The following PLEKHA7 variants were observed in gnomAD, a reference collection of about 807,000 sequenced individuals.
The protein encoded by PLEKHA7 is pleckstrin homology domain-containing family A member 7.
Under a neutral mutation model 170.0 loss-of-function variants are expected in PLEKHA7, and 104 were observed. The ratio of observed to expected loss-of-function variants is 0.61; its 90% CI spans 0.52 to 0.72. The LOEUF is 0.72. PLEKHA7 is among the 30% of genes least tolerant of loss of function. The pLI is 0.00. For synonymous variants in PLEKHA7, 648 were observed against 660.8 expected, an observed-to-expected ratio of 0.98 and a Z score of 0.30; for missense variants, 1,615 against 1,671.7, an observed-to-expected ratio of 0.97 and a Z score of 0.59.
At chr11:16,960,223 A>G (rs1176511140) in intron 3 of PLEKHA7, among the ~76,000 whole-genome samples, 1 of 152,062 alleles carries the variant, frequency 6.6e-6, no homozygotes, top group East Asian at 1.9e-4. Flanking sequence ...CACCCCCACC[A>G]GCTCCCCTGC....
At chr11:16,838,244 G>C (rs1442572515) in intron 9 of PLEKHA7, among the ~76,000 whole-genome samples, 1 of 152,158 alleles carries the variant, frequency 6.6e-6, no homozygotes, top group Admixed American at 6.5e-5. Flanking sequence ...ATGGTGGCTG[G>C]TGACTGTCAT....
intron 3 of PLEKHA7, among the ~76,000 whole-genome samples, chr11:16,992,583 T>C (rs910077435): frequency 6.6e-5 from 10 of 152,018 alleles, no homozygotes; most frequent in African/African-American, 2.2e-4. Flanking sequence ...TGGTGAAACC[T>C]TGTCTCTACT....
intron 3 of PLEKHA7, among the ~76,000 whole-genome samples, chr11:16,917,218 C>CA (rs1178600760): frequency 3.3e-5 from 5 of 151,870 alleles, no homozygotes; most frequent in Non-Finnish European, 7.4e-5. Flanking sequence ...GACCCTGTCT[C>CA]AAAAAAATAA....
chr11:16,957,726 CAG>C (rs1376926831), intron 3 of PLEKHA7, among the ~76,000 whole-genome samples: 2 of 100,236 alleles, frequency 2.0e-5, no homozygotes, highest in African/African-American at 4.4e-5. Context: ...TTTTTTGAGA[CAG>C]AGTCTCGCCC....
intron 10 of PLEKHA7, among the ~76,000 whole-genome samples, chr11:16,818,905 G>A (rs1849990736): frequency 6.6e-6 from 1 of 151,754 alleles, no homozygotes; most frequent in Non-Finnish European, 1.5e-5. Flanking sequence ...CTGGGTTCAA[G>A]TGATTCTCCT....
chr11:16,821,902 T>C lies in PLEKHA7; in HGVS notation c.1343+4218A>G, dbSNP rs79561881. On this transcript the variant is annotated intron_variant, in intron 10 of 26. Transcript: ENST00000531066. ...ATCTGCTTGCCCTACTGGAATGAAA[T>C]TCCTCTCACTGTGTGCTCAGTGACC... Among the ~76,000 whole-genome samples the C allele has an allele frequency of 7.1e-3, 1,088 of 152,264 alleles. 14 individuals are homozygous for C. The highest frequency in any genetic ancestry group is 0.025 in the African/African-American group (1,037 of 41,542).
At chr11:16,898,405 G>C (rs1445169933) in intron 3 of PLEKHA7, among the ~76,000 whole-genome samples, 3 of 152,178 alleles carry the variant, frequency 2.0e-5, no homozygotes, top group Non-Finnish European at 4.4e-5. Flanking sequence ...GTGTTCAGTG[G>C]CCTTTGGAAA....
chr11:16,789,392 C>G lies in PLEKHA7; in HGVS notation c.3157-96G>C. 8 of 1,185,464 alleles carry G rather than the reference C, an allele frequency of 6.7e-6. 1 individual carries two copies. The highest frequency in any genetic ancestry group is 4.7e-5 in the East Asian group (2 of 42,434). 73.4% of individuals were successfully genotyped at this position (1,185,464 alleles called of 1,614,324 possible). ...CTGGCTGCATTCCCGTTGTCTCTCT[C>G]TCACACACATGCACACTCTAGTTGG... On this transcript the variant is annotated intron_variant, in intron 22 of 26. Coordinates refer to ENST00000531066, the MANE Select transcript of PLEKHA7 (RefSeq NM_001329630.2). The surrounding 1 kb of genome is among the most constrained non-coding windows in gnomAD (Gnocchi z 4.6).
At chr11:16,868,467 C>T (rs1854569875) in intron 4 of PLEKHA7, among the ~76,000 whole-genome samples, 1 of 152,124 alleles carries the variant, frequency 6.6e-6, no homozygotes, top group African/African-American at 2.4e-5. Context: ...CTGTTCACAC[C>T]AATAAGAGCA....
Position 16,791,167 on chromosome 11 carries a change from G to A in PLEKHA7, c.2778C>T (p.Pro926=), listed in dbSNP as rs754081800. The change falls in exon 20 of 27, where the codon CCC becomes CCT. Residue 926 remains proline, a synonymous_variant. Transcript: ENST00000531066. The surrounding 1 kb of genome is among the most constrained non-coding windows in gnomAD (Gnocchi z 4.5). ...EDEAPPRPPL[P]ELYSPEDQPP... ...GCTGGTCCTCTGGGCTGTAGAGTTC[G>A]GGGAGTGGGGGCCTGGGAGGTGCTT... 2.0e-5 allele frequency: 32 copies of A among 1,607,720 alleles called. No homozygotes were observed. Among genetic ancestry groups the A allele is most frequent in the East Asian group, 8.9e-5 (4 of 44,742 alleles).
chr11:16,819,646 A>C (rs1482280652), intron 10 of PLEKHA7, among the ~76,000 whole-genome samples: 1 of 152,218 alleles, frequency 6.6e-6, no homozygotes, highest in African/African-American at 2.4e-5. Flanking sequence ...CAGCATCAGC[A>C]CCACCTGGGG....
At chr11:16,853,394 A>G (rs558242921) in intron 6 of PLEKHA7, among the ~76,000 whole-genome samples, 15 of 152,326 alleles carry the variant, frequency 9.8e-5, no homozygotes, top group African/African-American at 3.6e-4. Flanking sequence ...GCAAATCAAC[A>G]AGATGATTTA....
intron 3 of PLEKHA7, among the ~76,000 whole-genome samples, chr11:16,893,044 G>A (rs1337376222): frequency 6.6e-6 from 1 of 152,148 alleles, no homozygotes; most frequent in Non-Finnish European, 1.5e-5. Context: ...GCTTTCTCTT[G>A]TAGCTCTTAT....
chr11:16,988,426 T>A (rs1053312969), intron 3 of PLEKHA7, among the ~76,000 whole-genome samples: 2 of 152,212 alleles, frequency 1.3e-5, no homozygotes, highest in African/African-American at 4.8e-5. Context: ...CCTTCTTTCC[T>A]TCTTTCCTTC....
chr11:16,806,058 G>C (rs1848962173), intron 13 of PLEKHA7, among the ~76,000 whole-genome samples: 2 of 152,174 alleles, frequency 1.3e-5, no homozygotes, highest in African/African-American at 4.8e-5. Context: ...GGTGACTGTG[G>C]AGATGGATGC....
intron 3 of PLEKHA7, among the ~76,000 whole-genome samples, chr11:16,960,846 G>C (rs996105154): frequency 6.6e-6 from 1 of 152,036 alleles, no homozygotes; most frequent in African/African-American, 2.4e-5. Context: ...AGACAGATGG[G>C]GACACCGAGG....
chr11:16,912,518 AC>A (rs1858326112), intron 3 of PLEKHA7, among the ~76,000 whole-genome samples: 1 of 152,288 alleles, frequency 6.6e-6, no homozygotes, highest in East Asian at 1.9e-4. Flanking sequence ...AGTGCCCAAA[AC>A]CACTGGGTTT....
intron 3 of PLEKHA7, among the ~76,000 whole-genome samples, chr11:16,960,943 C>G (rs1205248681): frequency 1.3e-5 from 2 of 152,090 alleles, no homozygotes; most frequent in Non-Finnish European, 2.9e-5. Context: ...CTGAAACTTC[C>G]AGCTTCGTTT....
intron 3 of PLEKHA7, among the ~76,000 whole-genome samples, chr11:16,944,430 T>G (rs1399081458): frequency 6.6e-6 from 1 of 151,534 alleles, no homozygotes; most frequent in Non-Finnish European, 1.5e-5. Flanking sequence ...GAGAATCACT[T>G]GAACCCAGGA....
Sources: gnomAD v4.1 joint callset for allele counts (sites outside exome capture counted in the v4.1 genomes callset) on GRCh38, gnomAD v4.1.1 for gene constraint, Gnocchi (gnomAD v3.1) non-coding constraint, MANE v1.5 for transcripts, NCBI Gene and HGNC (gene_info 2026-07-23, HGNC 2026-07-21) for gene names.